Variants in PCDHA6 observed in about 807,000 individuals in gnomAD.
PCDHA6 encodes protocadherin alpha 6.
A neutral mutation model predicts 60.3 loss-of-function variants in PCDHA6; 55 were observed. The observed-to-expected ratio is 0.91, with a 90% CI of 0.73 to 1.14. PCDHA6 has a LOEUF of 1.14. PCDHA6 is among the 50% of genes most tolerant of loss of function. The pLI is 0.00. For synonymous variants in PCDHA6, 652 were observed against 557.9 expected (o/e 1.17, Z -2.38); for missense variants, 1,327 against 1,256.5 (o/e 1.06, Z -0.85).
chr5:140,985,421 G>T (rs1554247049), intron 3 of PCDHA6, among the ~76,000 whole-genome samples: 1 of 152,110 alleles, frequency 6.6e-6, no homozygotes, highest in African/African-American at 2.4e-5. Context: ...GGAGTGAGGA[G>T]GATTTATTAG....
At chr5:140,862,980 C>T in intron 1 of PCDHA6, 1 of 545,508 alleles carries the variant, frequency 1.8e-6, no homozygotes, top group South Asian at 1.4e-5. Flanking sequence ...CACTTGGTGG[C>T]GAAGGTGCGC....
At chr5:140,843,361 G>T in intron 1 of PCDHA6, 1 of 1,596,046 alleles carries the variant, frequency 6.3e-7, no homozygotes, top group South Asian at 1.1e-5. Context: ...AAGCGTCATC[G>T]AGGCAGTCGG....
chr5:140,981,895 G>A (rs2153826767), intron 2 of PCDHA6, among the ~76,000 whole-genome samples: 1 of 152,252 alleles, frequency 6.6e-6, no homozygotes, highest in East Asian at 1.9e-4. Flanking sequence ...TCTGAGCGGG[G>A]ATCTGTGAGT....
At chr5:140,915,626 G>GTCTCTCTCTCTCTC (rs57920489) in intron 1 of PCDHA6, among the ~76,000 whole-genome samples, 21 of 146,534 alleles carry the variant, frequency 1.4e-4, no homozygotes, top group African/African-American at 5.0e-4. Context: ...GTCTCTTTCT[G>GTCTCTCTCTCTCTC]TCTCTCTCTC....
At chr5:140,913,205 C>G (rs2076252546) in intron 1 of PCDHA6, among the ~76,000 whole-genome samples, 1 of 152,176 alleles carries the variant, frequency 6.6e-6, no homozygotes, top group South Asian at 2.1e-4. Context: ...GCAGTGAAGC[C>G]AATGGGTCCC....
At chr5:140,842,619 C>T (rs2150340837) in intron 1 of PCDHA6, 8 of 1,575,272 alleles carry the variant, frequency 5.1e-6, no homozygotes, top group Middle Eastern at 1.7e-4. Context: ...GGGGGCTCGC[C>T]TTCGCTGTGG....
intron 1 of PCDHA6, among the ~76,000 whole-genome samples, chr5:140,945,559 A>T (rs1365534966): frequency 6.6e-6 from 1 of 152,096 alleles, no homozygotes; most frequent in Non-Finnish European, 1.5e-5. Flanking sequence ...GAAGCTGAAG[A>T]CATCATACTA....
At chr5:140,983,408 A>C (rs1554245369) in intron 3 of PCDHA6, among the ~76,000 whole-genome samples, 1 of 152,208 alleles carries the variant, frequency 6.6e-6, no homozygotes, top group East Asian at 1.9e-4. Context: ...GGGAAGATTA[A>C]GTGTTGGTAG....
chr5:140,877,090 G>T lies in PCDHA6; in HGVS notation c.2394+46605G>T, dbSNP rs201209762. ...GCAGTTCCAGGTGAGCGCGCGCGAC[G>T]CCGGCGTGCCGCCTCTGGGCAGCAA... is the stretch of plus-strand genomic sequence containing the variant. On this transcript the variant is annotated intron_variant, in intron 1 of 3. Coordinates refer to ENST00000529310, the MANE Select transcript of PCDHA6 (RefSeq NM_018909.4). 4,655 of 1,613,184 alleles carry T rather than the reference G, an allele frequency of 2.9e-3. 21 individuals are homozygous for T. Among genetic ancestry groups the T allele is most frequent in the African/African-American group, 0.01 (785 of 75,036 alleles).
At chr5:140,891,502 T>C (rs11748559) in intron 1 of PCDHA6, among the ~76,000 whole-genome samples, 18,999 of 152,020 alleles carry the variant, frequency 0.12, 1,247 homozygotes, top group Middle Eastern at 0.19. Context: ...TCCTCAGCTA[T>C]AATGTTCTCC....
chr5:140,869,439 G>A (rs1554163055), intron 1 of PCDHA6: 1 of 1,614,212 alleles, frequency 6.2e-7, no homozygotes. Flanking sequence ...TCGTGGACAG[G>A]CCGCTGCAGG....
At chr5:140,926,708 C>T in intron 1 of PCDHA6, 2 of 896,260 alleles carry the variant, frequency 2.2e-6, no homozygotes, top group Non-Finnish European at 3.1e-6. Flanking sequence ...CCCAGCTGGC[C>T]AGCCCCGGCA....
intron 1 of PCDHA6, chr5:140,834,683 G>T: frequency 6.2e-7 from 1 of 1,614,256 alleles, no homozygotes; most frequent in South Asian, 1.1e-5. Flanking sequence ...GGCGGAGCGC[G>T]GAGTGCAGCA....
chr5:140,952,192 G>T (rs572613863), intron 1 of PCDHA6, among the ~76,000 whole-genome samples: 3 of 152,080 alleles, frequency 2.0e-5, no homozygotes, highest in Non-Finnish European at 4.4e-5. Context: ...TCATGGGTTG[G>T]TGTTGAATGC....
intron 1 of PCDHA6, among the ~76,000 whole-genome samples, chr5:140,950,025 T>C (rs907309880): frequency 6.6e-6 from 1 of 151,922 alleles, no homozygotes; most frequent in East Asian, 1.9e-4. Context: ...TCATAAAATA[T>C]AGAAAAGTTA....
At chr5:140,848,946 C>T (rs2150425951) in intron 1 of PCDHA6, 32 of 1,607,242 alleles carry the variant, frequency 2.0e-5, no homozygotes, top group Non-Finnish European at 2.5e-5. Flanking sequence ...GCTTGACTCT[C>T]GGTTTCCACT....
intron 1 of PCDHA6, chr5:140,843,909 G>T: frequency 8.0e-6 from 5 of 623,976 alleles, no homozygotes; most frequent in Non-Finnish European, 1.4e-5. Context: ...CCACAAGTTG[G>T]GTCTATCTTG....
At chr5:140,938,125 A>G (rs1339364898) in intron 1 of PCDHA6, among the ~76,000 whole-genome samples, 1 of 152,120 alleles carries the variant, frequency 6.6e-6, no homozygotes, top group Admixed American at 6.5e-5. Context: ...TTTTTTAAAA[A>G]AATAGAGATA....
chr5:140,869,903 C>G, intron 1 of PCDHA6: 1 of 1,610,648 alleles, frequency 6.2e-7, no homozygotes. Flanking sequence ...CTAAACGCCA[C>G]AGACCGAGAC....
Sources: allele counts gnomAD v4.1 joint callset (sites outside exome capture counted in the v4.1 genomes callset), GRCh38; gene constraint gnomAD v4.1.1; transcripts MANE v1.5; gene names NCBI Gene and HGNC (gene_info 2026-07-23, HGNC 2026-07-21).